ROBO1: variants seen among roughly 807,000 people sequenced by gnomAD.
ROBO1 encodes the protein roundabout homolog 1.
ROBO1 carries 149 observed loss-of-function variants against 195.9 expected under a neutral mutation model. That is an observed-to-expected ratio of 0.76 (90% confidence interval 0.67 to 0.87). The LOEUF is 0.87. Ranked by LOEUF, ROBO1 falls within the 40% of genes least tolerant of loss-of-function variation. The pLI is 0.00. For missense variants in ROBO1, 1,933 were observed against 2,068.3 expected (o/e 0.93, Z 1.27); for synonymous variants, 816 against 733.2 (o/e 1.11, Z -1.82).
chr3:79,394,626 TC>T (rs1307915384), intron 2 of ROBO1, among the ~76,000 whole-genome samples: 3 of 152,040 alleles, frequency 2.0e-5, no homozygotes, highest in African/African-American at 7.2e-5. Context: ...GTGCTTCTAT[TC>T]CATATGCATT....
At chr3:78,841,728 T>A (rs910732260) in intron 4 of ROBO1, among the ~76,000 whole-genome samples, 4 of 152,112 alleles carry the variant, frequency 2.6e-5, no homozygotes, top group African/African-American at 9.7e-5. Context: ...TATTTGCAAT[T>A]CCTATGACAT....
chr3:78,994,710 C>T (rs1186320613), intron 3 of ROBO1, among the ~76,000 whole-genome samples: 1 of 152,166 alleles, frequency 6.6e-6, no homozygotes, highest in Admixed American at 6.5e-5. Context: ...TGTTTGTGTA[C>T]ATTAACTCAA....
At chr3:79,394,574 T>G (rs930091856) in intron 2 of ROBO1, among the ~76,000 whole-genome samples, 4 of 152,012 alleles carry the variant, frequency 2.6e-5, no homozygotes, top group Non-Finnish European at 5.9e-5. Flanking sequence ...CAGTAATTTT[T>G]GAAAATATGG....
chr3:78,800,423 C>T (rs924376021), intron 4 of ROBO1, among the ~76,000 whole-genome samples: 9 of 152,112 alleles, frequency 5.9e-5, no homozygotes, highest in Non-Finnish European at 1.2e-4. Flanking sequence ...AGTTAAGCTG[C>T]AATGAAAAGG....
chr3:78,760,893 C>T (rs1175487225), intron 4 of ROBO1, among the ~76,000 whole-genome samples: 1 of 152,170 alleles, frequency 6.6e-6, no homozygotes, highest in East Asian at 1.9e-4. Context: ...CCTCCTGCCT[C>T]AGCCTCCCAT....
rs539945089 is a variant in ROBO1 at position 79,485,665 on chromosome 3, C to T, written c.88+104159G>A. Among the ~76,000 whole-genome samples, 3 of 152,230 alleles carry T rather than the reference C, an allele frequency of 2.0e-5. No homozygotes were observed. The South Asian group carries it at 6.2e-4, about 32-fold the overall frequency. ...CATTTAATCCTTACAACAACTCCAT[C>T]CCCATTTTGCAGATACAGAAAGTAA... On this transcript the variant is annotated intron_variant, in intron 2 of 30. Transcript: ENST00000464233.
chr3:79,595,075 A>G (rs944273728), intron 1 of ROBO1, among the ~76,000 whole-genome samples: 5 of 151,998 alleles, frequency 3.3e-5, no homozygotes, highest in Admixed American at 3.3e-4. Context: ...CTTAATTTTA[A>G]AAACTAATAT....
Position 78,802,707 on chromosome 3 carries a change from G to GCAT in ROBO1, c.500-55810_500-55808dup, listed in dbSNP as rs58983750. ...TGCTATAGAAGGAGCCTGCGGTCTAGCATCATCATCATCATCATCATCATC... is the reference window on the plus strand; with the variant it reads ...TGCTATAGAAGGAGCCTGCGGTCTAGCATCATCATCATCATCATCATCATCATC... On this transcript the variant is annotated intron_variant, in intron 4 of 30. Coordinates refer to ENST00000464233, the MANE Select transcript of ROBO1 (RefSeq NM_002941.4). 1.6e-3 allele frequency among the ~76,000 whole-genome samples: 238 copies of GCAT among 149,748 alleles called. 1 individual carries two copies. Among genetic ancestry groups the GCAT allele is most frequent in the Middle Eastern group, 0.01 (3 of 290 alleles).
At chr3:79,058,830 C>T (rs2078861375) in intron 3 of ROBO1, among the ~76,000 whole-genome samples, 1 of 152,074 alleles carries the variant, frequency 6.6e-6, no homozygotes, top group African/African-American at 2.4e-5. Context: ...TGAAGTGTTA[C>T]AGCAAATTCT....
chr3:79,530,306 C>T (rs566841888), intron 2 of ROBO1, among the ~76,000 whole-genome samples: 8 of 151,998 alleles, frequency 5.3e-5, no homozygotes, highest in Non-Finnish European at 1.0e-4. Context: ...GAGGTACCAC[C>T]GACAATGACC....
chr3:79,160,903 AT>A (rs929115472), intron 2 of ROBO1, among the ~76,000 whole-genome samples: 11 of 152,138 alleles, frequency 7.2e-5, no homozygotes, highest in African/African-American at 2.6e-4. Flanking sequence ...ACACAAAGTC[AT>A]TTTTTACTAT....
chr3:79,619,463 G>A (rs1169138855), intron 1 of ROBO1, among the ~76,000 whole-genome samples: 1 of 152,034 alleles, frequency 6.6e-6, no homozygotes, highest in Admixed American at 6.6e-5. Context: ...ACTCGATAAT[G>A]GTTCTAAATG....
intron 4 of ROBO1, among the ~76,000 whole-genome samples, chr3:78,794,619 C>T (rs2084129233): frequency 6.6e-6 from 1 of 152,056 alleles, no homozygotes; most frequent in Non-Finnish European, 1.5e-5. Context: ...ACTTTGTCAC[C>T]CAGACTGGAG....
intron 2 of ROBO1, among the ~76,000 whole-genome samples, chr3:79,231,626 A>C (rs1178913085): frequency 2.0e-5 from 3 of 152,216 alleles, no homozygotes; most frequent in Admixed American, 2.0e-4. Flanking sequence ...AATGTAAATT[A>C]GTTCAACAAT....
At position 79,412,210 on chromosome 3, in the gene ROBO1, A is replaced by G. The variant is rs534307945; in HGVS notation, c.88+177614T>C. 2.6e-5 allele frequency among the ~76,000 whole-genome samples: 4 copies of G among 152,286 alleles called. No homozygotes were observed. The South Asian group carries it at 6.2e-4, about 24-fold the overall frequency. ...CAACAAGGCTTCTATTTGAATTATC[A>G]GGCAAGGTTAAAAAAATTAGAAGAG... On this transcript the variant is annotated intron_variant, in intron 2 of 30. Coordinates refer to ENST00000464233, the MANE Select transcript of ROBO1 (RefSeq NM_002941.4).
chr3:79,455,132 A>C (rs2039576464), intron 2 of ROBO1, among the ~76,000 whole-genome samples: 1 of 152,200 alleles, frequency 6.6e-6, no homozygotes, highest in South Asian at 2.1e-4. Flanking sequence ...CTTGTAAAAA[A>C]AAAAAGGCTA....
At chr3:79,561,100 GA>G (rs57868531) in intron 2 of ROBO1, among the ~76,000 whole-genome samples, 36,884 of 151,640 alleles carry the variant, frequency 0.24, 5,129 homozygotes, top group African/African-American at 0.37. Context: ...GTCACCACCA[GA>G]AAAAAAATAT....
chr3:79,336,900 A>G lies in ROBO1; in HGVS notation c.89-211361T>C, dbSNP rs189448808. Among the ~76,000 whole-genome samples, 242 of 152,358 alleles carry G rather than the reference A, an allele frequency of 1.6e-3. 2 individuals are homozygous for G. In the Middle Eastern group the frequency reaches 0.02, roughly 13 times the overall value. ...CATCAGTATGACCGGAATGTGAGAC[A>G]TGGTGTCAAAGGAGATCATTTTGTA... On this transcript the variant is annotated intron_variant, in intron 2 of 30. Transcript: ENST00000464233.
At chr3:79,192,810 C>T (rs919243407) in intron 2 of ROBO1, among the ~76,000 whole-genome samples, 1 of 151,424 alleles carries the variant, frequency 6.6e-6, no homozygotes, top group Non-Finnish European at 1.5e-5. Context: ...TGTTTTTAAC[C>T]AAGTTATCTA....
Sources: gnomAD v4.1 joint callset for allele counts (sites outside exome capture counted in the v4.1 genomes callset) on GRCh38, gnomAD v4.1.1 for gene constraint, MANE v1.5 for transcripts, NCBI Gene and HGNC (gene_info 2026-07-23, HGNC 2026-07-21) for gene names.